The following DRC4 variants were observed in gnomAD, a reference collection of about 807,000 sequenced individuals.
The protein encoded by DRC4 is GAS-11.
the DRC4 span, among the ~76,000 whole-genome samples, chr16:90,033,151 C>T: frequency 5.9e-5 from 9 of 152,298 alleles, no homozygotes; most frequent in South Asian, 2.1e-4. Flanking sequence ...AAAAAATTGA[C>T]GTCACCGAAG....
the DRC4 span, chr16:90,037,906 C>G: frequency 2.7e-6 from 4 of 1,465,784 alleles, no homozygotes; most frequent in Non-Finnish European, 3.8e-6. Flanking sequence ...AACGGTTCAC[C>G]AAGTTCACCA....
chr16:90,042,515 G>A, the DRC4 span: 17 of 1,613,830 alleles, frequency 1.1e-5, no homozygotes, highest in Admixed American at 1.7e-5. Context: ...CCTGCAGTAT[G>A]AGCTGGCCCA....
the DRC4 span, chr16:90,037,086 T>C: frequency 1.4e-6 from 1 of 710,700 alleles, no homozygotes; most frequent in Non-Finnish European, 2.3e-6. Flanking sequence ...ATACTGTTTA[T>C]ACATAGAAGA....
chr16:90,040,529 C>T, the DRC4 span: 2 of 1,573,182 alleles, frequency 1.3e-6, no homozygotes, highest in South Asian at 1.2e-5. Flanking sequence ...AGACAGGCTC[C>T]TGACCCCAGT....
At chr16:90,030,382 C>T in the DRC4 span, among the ~76,000 whole-genome samples, 1 of 152,144 alleles carries the variant, frequency 6.6e-6, no homozygotes, top group Admixed American at 6.6e-5. Flanking sequence ...TGCTCTGTCA[C>T]CCAGGTGGAG....
chr16:90,039,752 G>A, the DRC4 span: 1 of 170,484 alleles, frequency 5.9e-6, no homozygotes, highest in Non-Finnish European at 1.3e-5. Context: ...CAATTAATAA[G>A]TAGAAGAATT....
chr16:90,034,686 T>C, the DRC4 span, among the ~76,000 whole-genome samples: 1 of 151,682 alleles, frequency 6.6e-6, no homozygotes, highest in Non-Finnish European at 1.5e-5. Context: ...AAATATATAA[T>C]GTTTATTTAA....
At chr16:90,033,943 AC>A in the DRC4 span, among the ~76,000 whole-genome samples, 4 of 144,688 alleles carry the variant, frequency 2.8e-5, no homozygotes, top group African/African-American at 1.0e-4. Flanking sequence ...CCAGGAGGAG[AC>A]TGTGGGAGAG....
chr16:90,029,239 G>T, the DRC4 span: 3 of 1,366,542 alleles, frequency 2.2e-6, no homozygotes, highest in Non-Finnish European at 2.9e-6. Context: ...ACTGCACATC[G>T]CACGTTGAGC....
At chr16:90,043,316 C>T in the DRC4 span, 12 of 1,610,894 alleles carry the variant, frequency 7.4e-6, no homozygotes, top group Non-Finnish European at 1.0e-5. Flanking sequence ...GGGCCAGGGC[C>T]CCGCGGGACT....
At chr16:90,043,734 C>T in the DRC4 span, 1 of 480,686 alleles carries the variant, frequency 2.1e-6, no homozygotes, top group Non-Finnish European at 4.3e-6. Flanking sequence ...GGTGCTGGCA[C>T]TAACTTCATT....
the DRC4 span, chr16:90,020,222 A>G: frequency 2.2e-6 from 1 of 454,586 alleles, no homozygotes; most frequent in Non-Finnish European, 3.9e-6. Flanking sequence ...CATGCCTGTA[A>G]TCCCAGCCCT....
the DRC4 span, chr16:90,020,274 C>A: frequency 2.5e-6 from 1 of 405,998 alleles, no homozygotes; most frequent in Non-Finnish European, 4.3e-6. Context: ...CTCAGGAGTC[C>A]AAGGCTGCCG....
At chr16:90,031,338 C>G in the DRC4 span, 1 of 1,613,440 alleles carries the variant, frequency 6.2e-7, no homozygotes, top group East Asian at 2.2e-5. Flanking sequence ...GGAGCTGGAC[C>G]GCGAGCGGGA....
At chr16:90,036,657 G>A in the DRC4 span, 1 of 1,373,534 alleles carries the variant, frequency 7.3e-7, no homozygotes, top group Middle Eastern at 1.8e-4. Context: ...GAGTCCTGGG[G>A]ATCCAGACCC....
the DRC4 span, chr16:90,042,919 C>T: frequency 1.9e-6 from 1 of 518,824 alleles, no homozygotes; most frequent in Non-Finnish European, 3.5e-6. Flanking sequence ...GCCCAGAGCC[C>T]TCCCAGACCA....
the DRC4 span, among the ~76,000 whole-genome samples, chr16:90,024,131 C>A: frequency 1.5e-4 from 21 of 143,902 alleles, 1 homozygote; most frequent in South Asian, 4.7e-3. Flanking sequence ...AATACACACA[C>A]ACACACACTC....
the DRC4 span, chr16:90,040,215 G>C: frequency 1.1e-5 from 15 of 1,321,750 alleles, no homozygotes; most frequent in Non-Finnish European, 1.5e-5. Flanking sequence ...TTCCAGGCAG[G>C]TGCAGAGGTG....
At chr16:90,042,759 G>T in the DRC4 span, 1 of 566,508 alleles carries the variant, frequency 1.8e-6, no homozygotes, top group Non-Finnish European at 3.2e-6. Context: ...GCTGGGATGG[G>T]TGTAGGGGGG....
Sources: allele counts gnomAD v4.1 joint callset (sites outside exome capture counted in the v4.1 genomes callset), GRCh38; gene constraint gnomAD v4.1.1; transcripts MANE v1.5; gene names NCBI Gene and HGNC (gene_info 2026-07-23, HGNC 2026-07-21).